Variants in CADM1 observed in about 807,000 individuals in gnomAD.
CADM1 encodes the protein TSLC-1.
CADM1 carries 15 observed loss-of-function variants against 53.1 expected under a neutral mutation model. That is an observed-to-expected ratio of 0.28 (90% CI 0.19 to 0.44). The LOEUF (loss-of-function observed/expected upper bound fraction) is 0.44. CADM1 is among the 20% of genes least tolerant of loss of function. The pLI, the probability that CADM1 is intolerant of heterozygous loss-of-function variation, is 1.00. For synonymous variants in CADM1, 281 were observed against 243.0 expected, an observed-to-expected ratio of 1.16 and a Z score of -1.45; for missense variants, 434 against 611.3, an observed-to-expected ratio of 0.71 and a Z score of 3.06.
At chr11:115,502,720 G>A (rs893566228) in intron 1 of CADM1, among the ~76,000 whole-genome samples, 1 of 152,082 alleles carries the variant, frequency 6.6e-6, no homozygotes, top group Non-Finnish European at 1.5e-5. Flanking sequence ...GCCTATTTTG[G>A]GGGCAAGCAG....
chr11:115,228,777 T>C (rs182944535), intron 5 of CADM1, among the ~76,000 whole-genome samples: 22 of 152,260 alleles, frequency 1.4e-4, no homozygotes, highest in African/African-American at 2.2e-4. Context: ...TCAGTACTTA[T>C]GATGGGATAA....
At chr11:115,468,304 G>A (rs966108336) in intron 1 of CADM1, among the ~76,000 whole-genome samples, 5 of 152,138 alleles carry the variant, frequency 3.3e-5, no homozygotes, top group Admixed American at 6.5e-5. Flanking sequence ...CCAGCACCAC[G>A]TTACATGAGA....
chr11:115,238,813 C>T (rs1942103773), intron 2 of CADM1, among the ~76,000 whole-genome samples, 161 bp from the exon 3 acceptor site: 1 of 152,014 alleles, frequency 6.6e-6, no homozygotes, highest in Admixed American at 6.6e-5. Context: ...CCAAAGGAAA[C>T]TTACACATAT....
At chr11:115,254,589 C>G (rs1272932068) in intron 1 of CADM1, among the ~76,000 whole-genome samples, 1 of 144,718 alleles carries the variant, frequency 6.9e-6, no homozygotes, top group African/African-American at 2.7e-5. Flanking sequence ...CACACACACA[C>G]ACACAGAGAC....
Position 115,435,678 on chromosome 11 carries a change from A to C in CADM1, c.124+68593T>G, listed in dbSNP as rs545828771. 4.9e-4 allele frequency among the ~76,000 whole-genome samples: 74 copies of C among 152,326 alleles called. 1 individual carries two copies. In the South Asian group the frequency reaches 0.014, roughly 29 times the overall value. ...AACCTGGGAGGTGGAGGTTGCAGTGAGCCAAGTGCACCACTGCACTCTAGC... is the reference window on the plus strand; with the variant it reads ...AACCTGGGAGGTGGAGGTTGCAGTGCGCCAAGTGCACCACTGCACTCTAGC... On this transcript the variant is annotated intron_variant, in intron 1 of 11. Transcript: ENST00000331581.
At chr11:115,346,616 T>TAAC (rs1204397973) in intron 1 of CADM1, among the ~76,000 whole-genome samples, 3 of 152,074 alleles carry the variant, frequency 2.0e-5, no homozygotes, top group Non-Finnish European at 4.4e-5. Context: ...TTGGGGTGAG[T>TAAC]AACAGACAGC....
At chr11:115,219,135 G>A (rs1941307856) in intron 5 of CADM1, among the ~76,000 whole-genome samples, 1 of 152,124 alleles carries the variant, frequency 6.6e-6, no homozygotes, top group Admixed American at 6.6e-5. Flanking sequence ...AATTACCATA[G>A]TTTTACTTTC....
At chr11:115,427,245 A>C (rs906937778) in intron 1 of CADM1, among the ~76,000 whole-genome samples, 1 of 152,258 alleles carries the variant, frequency 6.6e-6, no homozygotes, top group Non-Finnish European at 1.5e-5. Flanking sequence ...AGTTTACATG[A>C]GGAAAAATCT....
In CADM1 at chr11:115,430,637, C is replaced by T. The variant is rs534334653; in HGVS notation, c.124+73634G>A. ...TGAGTTGAGCTAACAAAAGCAATTA[C>T]TTGGAGTTTTAGTACTATTATCTCA... On this transcript the variant is annotated intron_variant, in intron 1 of 11. Coordinates refer to ENST00000331581, the MANE Select transcript of CADM1 (RefSeq NM_001301043.2). Among the ~76,000 whole-genome samples the T allele has an allele frequency of 5.3e-5, 8 of 152,286 alleles. No individual in the cohort carries two copies. The South Asian group carries it at 1.7e-3, about 32-fold the overall frequency.
At chr11:115,237,194 C>T (rs1349389980) in intron 3 of CADM1, among the ~76,000 whole-genome samples, 1 of 152,104 alleles carries the variant, frequency 6.6e-6, no homozygotes, top group South Asian at 2.1e-4. Context: ...TTTGGTACAT[C>T]TGCAAAATAC....
intron 1 of CADM1, among the ~76,000 whole-genome samples, chr11:115,304,385 C>G (rs975739867): frequency 6.6e-6 from 1 of 152,004 alleles, no homozygotes; most frequent in Non-Finnish European, 1.5e-5. Flanking sequence ...AGCAGCTCCC[C>G]GTTATGAATT....
intron 1 of CADM1, among the ~76,000 whole-genome samples, chr11:115,358,547 C>T (rs1287524800): frequency 4.6e-5 from 7 of 152,150 alleles, no homozygotes; most frequent in African/African-American, 1.7e-4. Context: ...CAAACCAGGT[C>T]CCTCCCACAA....
intron 1 of CADM1, among the ~76,000 whole-genome samples, chr11:115,320,044 A>G (rs149689701): frequency 8.1e-4 from 123 of 152,148 alleles, no homozygotes; most frequent in African/African-American, 2.7e-3. Flanking sequence ...ATCTTTTCTA[A>G]ACTTTATTTA....
At chr11:115,385,147 T>C (rs1946668699) in intron 1 of CADM1, among the ~76,000 whole-genome samples, 1 of 136,252 alleles carries the variant, frequency 7.3e-6, no homozygotes, top group African/African-American at 2.6e-5. Flanking sequence ...CCTAGCCACC[T>C]AGCTGAACAG....
chr11:115,290,356 A>G (rs2135106890), intron 1 of CADM1, among the ~76,000 whole-genome samples: 1 of 152,312 alleles, frequency 6.6e-6, no homozygotes, highest in East Asian at 1.9e-4. Context: ...GACTCTTGCC[A>G]TAGACAGTGG....
At chr11:115,268,513 T>C (rs1213587426) in intron 1 of CADM1, among the ~76,000 whole-genome samples, 1 of 152,116 alleles carries the variant, frequency 6.6e-6, no homozygotes, top group Non-Finnish European at 1.5e-5. Context: ...CCACAGAAGT[T>C]CTCAGGCTCT....
chr11:115,500,081 CTG>C (rs1949699074), intron 1 of CADM1, among the ~76,000 whole-genome samples: 1 of 152,188 alleles, frequency 6.6e-6, no homozygotes, highest in Non-Finnish European at 1.5e-5. Context: ...ACAGATGTCG[CTG>C]TGTGATTTCT....
intron 1 of CADM1, among the ~76,000 whole-genome samples, chr11:115,439,738 G>C (rs560954664): frequency 2.6e-5 from 4 of 152,170 alleles, no homozygotes; most frequent in Non-Finnish European, 1.5e-5. Context: ...TTGAGAGAGA[G>C]AATCCATAAC....
intron 1 of CADM1, among the ~76,000 whole-genome samples, chr11:115,459,812 A>G (rs551267024): frequency 6.6e-6 from 1 of 152,246 alleles, no homozygotes; most frequent in South Asian, 2.1e-4. Flanking sequence ...ATCCTCACAC[A>G]CTTATGCTTC....
Sources: gnomAD v4.1 joint callset for allele counts (sites outside exome capture counted in the v4.1 genomes callset) on GRCh38, gnomAD v4.1.1 for gene constraint, MANE v1.5 for transcripts, NCBI Gene and HGNC (gene_info 2026-07-23, HGNC 2026-07-21) for gene names.